Variants in FBXL13 observed in about 807,000 individuals in gnomAD.
FBXL13 encodes F-box and leucine-rich repeat protein 13.
FBXL13 carries 67 observed loss-of-function variants against 83.6 expected under a neutral mutation model. The observed-to-expected ratio is 0.80, with a 90% confidence interval of 0.66 to 0.98. The LOEUF is 0.98. Ranked by LOEUF, FBXL13 falls within the 50% of genes least tolerant of loss-of-function variation. The pLI is 0.00. For missense variants in FBXL13, 822 were observed against 866.5 expected, an observed-to-expected ratio of 0.95 and a Z score of 0.64; for synonymous variants, 272 against 299.5, an observed-to-expected ratio of 0.91 and a Z score of 0.95.
chr7:102,851,859 A>G (rs1364165075), intron 17 of FBXL13, among the ~76,000 whole-genome samples: 2 of 152,164 alleles, frequency 1.3e-5, no homozygotes, highest in African/African-American at 4.8e-5. Context: ...GATTAGGTCT[A>G]GGAATTTTAC....
At chr7:102,996,695 C>T (rs1789828719) in intron 6 of FBXL13, among the ~76,000 whole-genome samples, 1 of 152,156 alleles carries the variant, frequency 6.6e-6, no homozygotes, top group African/African-American at 2.4e-5. Context: ...TCCTCATAAA[C>T]AAATCAACAA....
chr7:102,875,244 C>T (rs558014652), intron 16 of FBXL13, among the ~76,000 whole-genome samples: 13 of 151,974 alleles, frequency 8.6e-5, no homozygotes, highest in Non-Finnish European at 1.9e-4. Context: ...TTTTTCAAAA[C>T]CATGTAATCA....
chr7:102,931,300 CCA>C (rs1444214564), intron 9 of FBXL13, among the ~76,000 whole-genome samples: 1 of 152,188 alleles, frequency 6.6e-6, no homozygotes, highest in African/African-American at 2.4e-5. Flanking sequence ...AGAGGCAAAA[CCA>C]CAGAGGGTCT....
chr7:102,842,762 G>T (rs935287066), intron 17 of FBXL13, among the ~76,000 whole-genome samples: 1 of 152,182 alleles, frequency 6.6e-6, no homozygotes, highest in Non-Finnish European at 1.5e-5. Flanking sequence ...TATCCTTGTA[G>T]ATGTTCCTTA....
At chr7:102,850,424 C>G (rs1409230845) in intron 17 of FBXL13, among the ~76,000 whole-genome samples, 1 of 152,132 alleles carries the variant, frequency 6.6e-6, no homozygotes, top group Non-Finnish European at 1.5e-5. Context: ...TAAATGATTT[C>G]TAGTTATTGT....
chr7:102,843,370 G>T (rs1384008874), intron 17 of FBXL13, among the ~76,000 whole-genome samples: 1 of 152,154 alleles, frequency 6.6e-6, no homozygotes, highest in African/African-American at 2.4e-5. Flanking sequence ...TTGAACCCAG[G>T]AGGCAGAGGT....
chr7:102,963,637 A>G, exon 8 of FBXL13: 1 of 1,604,298 alleles, frequency 6.2e-7, no homozygotes. Context: ...TTTATCTGGA[A>G]TCACATTTTT....
chr7:103,044,293 A>C (rs1796053014), intron 2 of FBXL13, among the ~76,000 whole-genome samples: 1 of 152,224 alleles, frequency 6.6e-6, no homozygotes, highest in African/African-American at 2.4e-5. Context: ...ATGTTAGATA[A>C]ATAACAACCA....
chr7:102,838,956 T>C (rs749228712), intron 17 of FBXL13, among the ~76,000 whole-genome samples: 2 of 152,156 alleles, frequency 1.3e-5, no homozygotes, highest in Non-Finnish European at 2.9e-5. Flanking sequence ...AGGAGGATAG[T>C]AAAAGAGGAA....
chr7:102,986,017 GCC>G (rs112694559), intron 6 of FBXL13, among the ~76,000 whole-genome samples: 1 of 147,830 alleles, frequency 6.8e-6, no homozygotes, highest in Non-Finnish European at 1.5e-5. Context: ...CTGGCACGAT[GCC>G]CCCCCCCCAT....
intron 8 of FBXL13, among the ~76,000 whole-genome samples, chr7:102,941,229 C>A (rs779295790): frequency 1.3e-5 from 2 of 152,170 alleles, no homozygotes; most frequent in Admixed American, 6.5e-5. Flanking sequence ...ACTACAGACA[C>A]CCTTCTCCCA....
intron 11 of FBXL13, among the ~76,000 whole-genome samples, chr7:102,899,122 C>T (rs549507860): frequency 3.9e-5 from 6 of 152,226 alleles, no homozygotes; most frequent in African/African-American, 1.4e-4. Flanking sequence ...ACCATTTTGG[C>T]CAGGCTGGTC....
At chr7:102,960,683 TG>T (rs1407838517) in intron 8 of FBXL13, among the ~76,000 whole-genome samples, 1 of 151,854 alleles carries the variant, frequency 6.6e-6, no homozygotes, top group African/African-American at 2.4e-5. Context: ...GTTCAATATA[TG>T]CAAATCAATA....
intron 6 of FBXL13, among the ~76,000 whole-genome samples, chr7:103,003,382 G>A (rs1790641286): frequency 6.8e-6 from 1 of 146,562 alleles, no homozygotes; most frequent in Non-Finnish European, 1.5e-5. Flanking sequence ...CCACCTCCTG[G>A]GTTCAAGCAA....
At chr7:102,830,409 A>C (rs1290137787) in intron 18 of FBXL13, among the ~76,000 whole-genome samples, 1 of 152,180 alleles carries the variant, frequency 6.6e-6, no homozygotes, top group Non-Finnish European at 1.5e-5. Flanking sequence ...TGAACGCAAG[A>C]ATCTCTGTGA....
At chr7:103,045,828 G>C (rs1796220684) in intron 2 of FBXL13, among the ~76,000 whole-genome samples, 1 of 152,178 alleles carries the variant, frequency 6.6e-6, no homozygotes, top group Admixed American at 6.5e-5. Context: ...CCAAAACTTA[G>C]GGCCTTAGTG....
chr7:102,869,078 C>T (rs1283081190), intron 16 of FBXL13, among the ~76,000 whole-genome samples: 2 of 152,188 alleles, frequency 1.3e-5, no homozygotes, highest in Non-Finnish European at 2.9e-5. Flanking sequence ...AATGGCTGTA[C>T]TAATTGTAAT....
chr7:102,900,171 GT>G (rs1812787162), intron 11 of FBXL13, among the ~76,000 whole-genome samples: 1 of 152,054 alleles, frequency 6.6e-6, no homozygotes, highest in African/African-American at 2.4e-5. Context: ...AAGAAATATA[GT>G]TAAACTTCTT....
chr7:102,827,269 C>T (rs1029636350), intron 18 of FBXL13: 4 of 383,452 alleles, frequency 1.0e-5, no homozygotes, highest in Non-Finnish European at 2.3e-5. Context: ...CCTAGGCCAA[C>T]CAGCTCTAAG....
Sources: allele counts gnomAD v4.1 joint callset (sites outside exome capture counted in the v4.1 genomes callset), GRCh38; gene constraint gnomAD v4.1.1; transcripts MANE v1.5; gene names NCBI Gene and HGNC (gene_info 2026-07-23, HGNC 2026-07-21).